The following LYNX1 variants were observed in gnomAD, a reference collection of about 807,000 sequenced individuals.
LYNX1 encodes ly-6/neurotoxin-like protein 1.
In LYNX1, 8 loss-of-function variants were observed where a neutral mutation model predicts 8.3. The observed-to-expected ratio is 0.97, with a 90% CI of 0.57 to 1.74. The LOEUF is 1.74. Among genes scored for constraint, LYNX1 ranks in the 40% most tolerant of loss-of-function variants. The pLI, the probability that LYNX1 is intolerant of heterozygous loss-of-function variation, is 0.00. For synonymous variants in LYNX1, 73 were observed against 67.9 expected (o/e 1.08, Z -0.37); for missense variants, 158 against 159.7 (o/e 0.99, Z 0.06).
rs929700199 is a variant in LYNX1, at chr8:142,774,785, C to T, written c.*382G>A. ...CGGGCATTCCTTGTCTTCCCCCTGC[C>T]CCAGCACACCAGGGGCAGACTGAGG... On this transcript the variant is annotated 3_prime_UTR_variant, in exon 4 of 4. Transcript: ENST00000652477. 82 of 1,081,136 alleles carry T rather than the reference C, an allele frequency of 7.6e-5. No homozygotes were observed. The highest frequency in any genetic ancestry group is 1.1e-4 in the African/African-American group (7 of 61,148). The allele number at this position is 1,081,136 out of a possible 1,614,324, so 67.0% of individuals were successfully genotyped here. A position where few individuals can be genotyped will look rare whatever the true frequency, so the allele number is the denominator to read the frequency against.
At position 142,772,084 on chromosome 8, in the gene LYNX1, G is replaced by A. The variant is rs1366281296; in HGVS notation, c.*3083C>T. 2 of 986,138 alleles carry A rather than the reference G, an allele frequency of 2.0e-6. No individual in the cohort carries two copies. The highest frequency in any genetic ancestry group is 2.4e-6 in the Non-Finnish European group (2 of 830,188). The allele number at this position is 986,138 out of a possible 1,614,324, so 61.1% of individuals were successfully genotyped here. ...ATGTATAACATCCCAGGGTGCCAGA[G>A]CCCGCCCAAGCAGCCACTCCTGTCC... On this transcript the variant is annotated 3_prime_UTR_variant, in exon 4 of 4. Coordinates refer to ENST00000652477, the MANE Select transcript of LYNX1 (RefSeq NM_177477.4).
chr8:142,777,407 C>T (rs1437914799), upstream of LYNX1: 1 of 143,428 alleles, frequency 7.0e-6, no homozygotes, highest in Non-Finnish European at 1.4e-5. Flanking sequence ...CACCAAGCCG[C>T]GCTCACTGCA....
rs1563837913 is a variant in LYNX1, at chr8:142,773,425, T to C, written c.*1742A>G. 1.0e-6 allele frequency: 1 copy of C among 985,604 alleles called. No homozygotes were observed. 61.1% of individuals were successfully genotyped at this position (985,604 alleles called of 1,614,324 possible). A position where few individuals can be genotyped will look rare whatever the true frequency, so the allele number is the denominator to read the frequency against. ...CTCCTTCCCAGCTCTGGGCCCAGTA[T>C]GATGCCCATCTTCCCTCTGGGGAGT... On this transcript the variant is annotated 3_prime_UTR_variant, in exon 4 of 4. Transcript: ENST00000652477.
In LYNX1 at chr8:142,774,841, T is replaced by G. The variant is rs1587614746; in HGVS notation, c.*326A>C. The stretch of plus-strand genomic sequence containing the variant: ...GCCTCTCCTAGGGCTTCCCAGAAGG[T>G]GGGCTTGGCCACAGCTCCCATCTGC... On this transcript the variant is annotated 3_prime_UTR_variant, in exon 4 of 4. Transcript: ENST00000652477. 8.3e-7 allele frequency: 1 copy of G among 1,200,134 alleles called. No homozygotes were observed. Among genetic ancestry groups the G allele is most frequent in the South Asian group, 2.9e-5 (1 of 34,994 alleles). The allele number at this position is 1,200,134 out of a possible 1,614,324, so 74.3% of individuals were successfully genotyped here. A position where few individuals can be genotyped will look rare whatever the true frequency, so the allele number is the denominator to read the frequency against.
Position 142,772,199 on chromosome 8 carries a change from A to C in LYNX1, c.*2968T>G. The C allele has an allele frequency of 7.1e-6, 7 of 986,056 alleles. No individual in the cohort carries two copies. Among genetic ancestry groups the C allele is most frequent in the Non-Finnish European group, 8.4e-6 (7 of 830,032 alleles). 61.1% of individuals were successfully genotyped at this position (986,056 alleles called of 1,614,324 possible). A position where few individuals can be genotyped will look rare whatever the true frequency, so the allele number is the denominator to read the frequency against. On this transcript the variant is annotated 3_prime_UTR_variant, in exon 4 of 4. Coordinates refer to ENST00000652477, the MANE Select transcript of LYNX1 (RefSeq NM_177477.4). ...TCGGGCATGTCCAGGACTCAGGTCCACACAGACAGTGGCAACAGCTAGCCC... is the reference window on the plus strand; with the variant it reads ...TCGGGCATGTCCAGGACTCAGGTCCCCACAGACAGTGGCAACAGCTAGCCC...
At position 142,771,376 on chromosome 8, in the gene LYNX1, A is replaced by C. The variant is rs1367025308; in HGVS notation, c.*3791T>G. The stretch of plus-strand genomic sequence containing the variant: ...TCAGCGGGCACTTATGCCCACGACC[A>C]GCTGAGCCAGACCAGCATTCCCATT... On this transcript the variant is annotated 3_prime_UTR_variant, in exon 4 of 4. Coordinates refer to ENST00000652477, the MANE Select transcript of LYNX1 (RefSeq NM_177477.4). The C allele has an allele frequency of 2.0e-6, 2 of 985,458 alleles. No homozygotes were observed. The highest frequency in any genetic ancestry group is 1.2e-4 in the Admixed American group (2 of 16,274). The allele number at this position is 985,458 out of a possible 1,614,324, so 61.0% of individuals were successfully genotyped here.
chr8:142,772,717 T>C lies in LYNX1; in HGVS notation c.*2450A>G. ...CGGACAAGTTTACTGCTGTGATTTCTGCCGGCGCTGCTGTGCCGGTTCCCT... is the reference window on the plus strand; with the variant it reads ...CGGACAAGTTTACTGCTGTGATTTCCGCCGGCGCTGCTGTGCCGGTTCCCT... On this transcript the variant is annotated 3_prime_UTR_variant, in exon 4 of 4. Transcript: ENST00000652477. 1.0e-6 allele frequency: 1 copy of C among 985,626 alleles called. No individual in the cohort carries two copies. The highest frequency in any genetic ancestry group is 1.2e-6 in the Non-Finnish European group (1 of 830,056). The allele number at this position is 985,626 out of a possible 1,614,324, so 61.1% of individuals were successfully genotyped here.
upstream of LYNX1, chr8:142,777,637 G>C (rs995470894): frequency 8.8e-5 from 35 of 395,494 alleles, no homozygotes; most frequent in Non-Finnish European, 1.2e-4. Context: ...GCCTCGGCCC[G>C]GACCCGTCCC....
rs748205653 is a variant in LYNX1, at chr8:142,775,983, G to A, written c.-26C>T. 6.2e-7 allele frequency: 1 copy of A among 1,613,164 alleles called. No homozygotes were observed. On this transcript the variant is annotated 5_prime_UTR_variant, in exon 2 of 4. Transcript: ENST00000652477. Reference sequence around the variant, plus strand: ...GGCTGCAGGCAGGAGGGCAGCGTGGGAGTGGGGAGGTCAACAGCAGCTAGC... The same window carrying A: ...GGCTGCAGGCAGGAGGGCAGCGTGGAAGTGGGGAGGTCAACAGCAGCTAGC...
At position 142,771,414 on chromosome 8, in the gene LYNX1, ACTC is replaced by A; in HGVS notation, c.*3750_*3752del. ...CAGCATTCCCATTTCACCACCCCTTACTCCTCAAGATGCAAATGAAGCTCAGGG... is the reference window on the plus strand; with the variant it reads ...CAGCATTCCCATTTCACCACCCCTTACTCAAGATGCAAATGAAGCTCAGGG... On this transcript the variant is annotated 3_prime_UTR_variant, in exon 4 of 4. Transcript: ENST00000652477. 1.0e-6 allele frequency: 1 copy of A among 984,986 alleles called. No homozygotes were observed. The highest frequency in any genetic ancestry group is 1.2e-6 in the Non-Finnish European group (1 of 829,836). The allele number at this position is 984,986 out of a possible 1,614,324, so 61.0% of individuals were successfully genotyped here.
Position 142,775,492 on chromosome 8 carries a change from C to G in LYNX1, c.154+101G>C, listed in dbSNP as rs1211740791. 2.6e-6 allele frequency: 4 copies of G among 1,556,992 alleles called. No homozygotes were observed. The African/African-American group carries it at 5.4e-5, about 21-fold the overall frequency. ...GGAGCTCCCAGACAGGATCCGGGAA[C>G]AGGAGAGCCTCCTTCCTCAGGACCC... On this transcript the variant is annotated intron_variant, in intron 3 of 3. Transcript: ENST00000652477.
Position 142,774,360 on chromosome 8 carries a change from C to A in LYNX1, c.*807G>T. The A allele has an allele frequency of 1.0e-6, 1 of 985,954 alleles. No homozygotes were observed. Among genetic ancestry groups the A allele is most frequent in the Non-Finnish European group, 1.2e-6 (1 of 830,250 alleles). 61.1% of individuals were successfully genotyped at this position (985,954 alleles called of 1,614,324 possible). A position where few individuals can be genotyped will look rare whatever the true frequency, so the allele number is the denominator to read the frequency against. Reference sequence around the variant, plus strand: ...GGGGGACCACCTGCTCTGCCCCTTTCCCTCCCTGCCCAGAATAGCGCTGGC... The same window carrying A: ...GGGGGACCACCTGCTCTGCCCCTTTACCTCCCTGCCCAGAATAGCGCTGGC... On this transcript the variant is annotated 3_prime_UTR_variant, in exon 4 of 4. Coordinates refer to ENST00000652477, the MANE Select transcript of LYNX1 (RefSeq NM_177477.4).
upstream of LYNX1, among the ~76,000 whole-genome samples, chr8:142,777,490 T>C (rs1188388246): frequency 1.1e-3 from 71 of 63,450 alleles, 3 homozygotes; most frequent in Non-Finnish European, 1.8e-3. Context: ...CGGACCCGCC[T>C]CCTGGGCACC....
chr8:142,775,574 G>A lies in LYNX1; in HGVS notation c.154+19C>T, dbSNP rs374635126. On this transcript the variant is annotated intron_variant, in intron 3 of 3. Transcript: ENST00000652477. Reference sequence around the variant, plus strand: ...CTTCGTGCTCCCCAGGCAGGGCCACGCAGGGCCCCCAGACTCACAGGTGCG... The same window carrying A: ...CTTCGTGCTCCCCAGGCAGGGCCACACAGGGCCCCCAGACTCACAGGTGCG... 1.1e-5 allele frequency: 17 copies of A among 1,574,134 alleles called. No individual in the cohort carries two copies. Among genetic ancestry groups the A allele is most frequent in the African/African-American group, 4.1e-5 (3 of 74,068 alleles).
chr8:142,774,145 G>GCCCAGGGC lies in LYNX1; in HGVS notation c.*1021_*1022insGCCCTGGG. 11 of 981,854 alleles carry GCCCAGGGC rather than the reference G, an allele frequency of 1.1e-5. No homozygotes were observed. Among genetic ancestry groups the GCCCAGGGC allele is most frequent in the Non-Finnish European group, 1.2e-5 (10 of 827,988 alleles). The allele number at this position is 981,854 out of a possible 1,614,324, so 60.8% of individuals were successfully genotyped here. ...GCTGCGGGGGAGGGGCTGGGTCTCC[G>GCCCAGGGC]CCCTCCCCACCCCACCCTCCCCACT... On this transcript the variant is annotated 3_prime_UTR_variant, in exon 4 of 4. Transcript: ENST00000652477.
Position 142,775,260 on chromosome 8 carries a change from G to A in LYNX1, c.258C>T (p.Cys86=). 7 of 1,613,964 alleles carry A rather than the reference G, an allele frequency of 4.3e-6. No homozygotes were observed. The highest frequency in any genetic ancestry group is 5.9e-6 in the Non-Finnish European group (7 of 1,179,998). ...YSKHASTTSC[C]QYDLCNGTGL... ...CGGTGCCGTTGCAGAGGTCGTACTG[G>A]CAGCAGGAGGTGGTGGACGCGTGCT... is the stretch of plus-strand genomic sequence containing the variant. Residue 86 remains cysteine, a synonymous_variant, in exon 4 of 4, where the codon TGC becomes TGT. Transcript: ENST00000652477.
At position 142,775,381 on chromosome 8, in the gene LYNX1, G is replaced by T; in HGVS notation, c.155-18C>A. On this transcript the variant is annotated intron_variant, in intron 3 of 3. Transcript: ENST00000652477. ...GGTGTAGTCTGCAGAGGGGCGGGGCGGTGAGCCAGCTCCGCTAAGAGGGGC... is the reference window on the plus strand; with the variant it reads ...GGTGTAGTCTGCAGAGGGGCGGGGCTGTGAGCCAGCTCCGCTAAGAGGGGC... The T allele has an allele frequency of 1.2e-6, 2 of 1,610,268 alleles. No homozygotes were observed. The highest frequency in any genetic ancestry group is 1.7e-6 in the Non-Finnish European group (2 of 1,178,080).
rs587725740 is a variant in LYNX1, at chr8:142,775,109, G to A, written c.*58C>T. 2.0e-5 allele frequency: 31 copies of A among 1,561,748 alleles called. No individual in the cohort carries two copies. Among genetic ancestry groups the A allele is most frequent in the South Asian group, 1.8e-4 (15 of 84,674 alleles). On this transcript the variant is annotated 3_prime_UTR_variant, in exon 4 of 4. Coordinates refer to ENST00000652477, the MANE Select transcript of LYNX1 (RefSeq NM_177477.4). ...GGGTGAGGCAGGGTGAGCTGGGTGC[G>A]AGGGTGTAGCAGTGTGTCTCGAGAG...
At position 142,774,967 on chromosome 8, in the gene LYNX1, A is replaced by T; in HGVS notation, c.*200T>A. 2 of 1,429,356 alleles carry T rather than the reference A, an allele frequency of 1.4e-6. No homozygotes were observed. Among genetic ancestry groups the T allele is most frequent in the Non-Finnish European group, 1.8e-6 (2 of 1,095,826 alleles). The allele number at this position is 1,429,356 out of a possible 1,614,324, so 88.5% of individuals were successfully genotyped here. ...GCCGGACACTTTTGGGATCCCACAC[A>T]GCATCGAAAGGTCAAGGCCTCGAAG... On this transcript the variant is annotated 3_prime_UTR_variant, in exon 4 of 4. Transcript: ENST00000652477.
Sources: gnomAD v4.1 joint callset for allele counts (sites outside exome capture counted in the v4.1 genomes callset) on GRCh38, gnomAD v4.1.1 for gene constraint, MANE v1.5 for transcripts, NCBI Gene and HGNC (gene_info 2026-07-23, HGNC 2026-07-21) for gene names.